MALRD1: variants seen among roughly 807,000 people sequenced by gnomAD.
MALRD1 encodes the protein MAM and LDL-receptor class A domain-containing protein 1.
In MALRD1, 247 loss-of-function variants were observed where a neutral mutation model predicts 242.1. That is an observed-to-expected ratio of 1.02 (90% CI 0.92 to 1.13). The LOEUF (loss-of-function observed/expected upper bound fraction) is 1.13. Among genes scored for constraint, MALRD1 ranks in the 50% most tolerant of loss-of-function variants. The pLI is 0.00. For synonymous variants in MALRD1, 995 were observed against 866.6 expected, an observed-to-expected ratio of 1.15 and a Z score of -2.60; for missense variants, 2,989 against 2,533.1, an observed-to-expected ratio of 1.18 and a Z score of -3.86.
At chr10:19,272,534 A>C (rs1488481455) in intron 19 of MALRD1, among the ~76,000 whole-genome samples, 1 of 152,182 alleles carries the variant, frequency 6.6e-6, no homozygotes, top group African/African-American at 2.4e-5. Flanking sequence ...TTTTTATTAT[A>C]TTTTAAGTTC....
chr10:19,269,352 C>G (rs911631115), intron 19 of MALRD1, among the ~76,000 whole-genome samples: 2 of 152,250 alleles, frequency 1.3e-5, no homozygotes, highest in Admixed American at 6.5e-5. Flanking sequence ...CGCGCTCTCT[C>G]GCTCTCTTGC....
chr10:19,465,356 C>A (rs114594550), intron 29 of MALRD1, among the ~76,000 whole-genome samples: 241 of 152,076 alleles, frequency 1.6e-3, no homozygotes, highest in African/African-American at 5.6e-3. Context: ...TTGTCATAAA[C>A]GGTTTTTTAT....
chr10:19,596,501 C>G (rs1039933539), intron 34 of MALRD1, among the ~76,000 whole-genome samples: 12 of 151,978 alleles, frequency 7.9e-5, no homozygotes, highest in Non-Finnish European at 8.8e-5. Context: ...AGGCCGAGAT[C>G]GGAGGATCCC....
At chr10:19,223,657 C>T (rs1192646968) in intron 18 of MALRD1, among the ~76,000 whole-genome samples, 3 of 152,120 alleles carry the variant, frequency 2.0e-5, no homozygotes, top group African/African-American at 4.8e-5. Flanking sequence ...ATCAACCCGT[C>T]ATCCACATTA....
chr10:19,294,380 T>A (rs888177789), intron 21 of MALRD1, among the ~76,000 whole-genome samples: 1 of 152,180 alleles, frequency 6.6e-6, no homozygotes, highest in Non-Finnish European at 1.5e-5. Context: ...GAAATATGAA[T>A]CATTTTTATG....
intron 19 of MALRD1, among the ~76,000 whole-genome samples, chr10:19,258,768 G>A (rs927764592): frequency 6.6e-6 from 1 of 151,958 alleles, no homozygotes; most frequent in East Asian, 1.9e-4. Flanking sequence ...TCCCTCTCTC[G>A]AAGGCTAGTA....
At chr10:19,533,609 G>A (rs1309753950) in intron 32 of MALRD1, among the ~76,000 whole-genome samples, 3 of 152,126 alleles carry the variant, frequency 2.0e-5, no homozygotes, top group Admixed American at 1.3e-4. Context: ...CAAGTATGGC[G>A]GAATGCAAAG....
intron 32 of MALRD1, among the ~76,000 whole-genome samples, chr10:19,543,474 G>C (rs1265840169): frequency 7.7e-6 from 1 of 130,052 alleles, no homozygotes; most frequent in Non-Finnish European, 1.6e-5. Context: ...GGGTCTCACT[G>C]TGTTTCCTAG....
chr10:19,434,299 A>T (rs2130958141), intron 28 of MALRD1, among the ~76,000 whole-genome samples: 1 of 152,322 alleles, frequency 6.6e-6, no homozygotes, highest in Non-Finnish European at 1.5e-5. Flanking sequence ...TCTAACCTTC[A>T]TAATTATTCT....
Position 19,171,457 on chromosome 10 carries a change from T to TATACACACAC in MALRD1, c.1831-3750_1831-3749insTACACACACA, listed in dbSNP as rs1166665866. 1.2e-3 allele frequency among the ~76,000 whole-genome samples: 90 copies of TATACACACAC among 74,546 alleles called. 5 individuals are homozygous for TATACACACAC. The highest frequency in any genetic ancestry group is 3.4e-3 in the African/African-American group (81 of 23,924). 48.9% of individuals were successfully genotyped at this position (74,546 alleles called of 152,430 possible). On this transcript the variant is annotated intron_variant, in intron 13 of 39. Transcript: ENST00000454679. ...ATATATATATATATATATATATATA[T>TATACACACAC]ACACACATGTATATACACACACACA...
rs112968434 is a variant in MALRD1, at chr10:19,404,503, C to G, written c.4845+14894C>G. Among the ~76,000 whole-genome samples, 259 of 152,120 alleles carry G rather than the reference C, an allele frequency of 1.7e-3. 1 individual carries two copies. The highest frequency in any genetic ancestry group is 2.9e-3 in the Non-Finnish European group (200 of 67,916). The stretch of plus-strand genomic sequence containing the variant: ...CTTCCACTTATTTTCCTGTAAACTT[C>G]CAAGCCACAAATATATGTGTTTTTT... On this transcript the variant is annotated intron_variant, in intron 28 of 39. Transcript: ENST00000454679.
chr10:19,413,049 A>AT lies in MALRD1; in HGVS notation c.4845+23441dup, dbSNP rs1325630771. On this transcript the variant is annotated intron_variant, in intron 28 of 39. Coordinates refer to ENST00000454679, the MANE Select transcript of MALRD1 (RefSeq NM_001142308.3). ...AAGAGATGGAAATCTTAGAAAAAAA[A>AT]TAATAGTTAACATCAATTGTGGAAT... 2.6e-5 allele frequency among the ~76,000 whole-genome samples: 4 copies of AT among 152,288 alleles called. No individual in the cohort carries two copies. The East Asian group carries it at 7.7e-4, about 29-fold the overall frequency.
At chr10:19,635,096 T>C (rs1401475860) in intron 36 of MALRD1, among the ~76,000 whole-genome samples, 1 of 152,182 alleles carries the variant, frequency 6.6e-6, no homozygotes, top group African/African-American at 2.4e-5. Flanking sequence ...CCTAAGGTGA[T>C]GGCAGCACAG....
At chr10:19,103,246 A>G (rs1836332960) in intron 4 of MALRD1, among the ~76,000 whole-genome samples, 1 of 152,116 alleles carries the variant, frequency 6.6e-6, no homozygotes, top group African/African-American at 2.4e-5. Context: ...TGAGGATGAC[A>G]TCTAAGGCAA....
At chr10:19,475,767 C>A (rs1159569309) in intron 29 of MALRD1, among the ~76,000 whole-genome samples, 8 of 152,174 alleles carry the variant, frequency 5.3e-5, no homozygotes, top group Admixed American at 3.3e-4. Flanking sequence ...TAACTGTGTT[C>A]TGCAGTGACC....
rs559023905 is a variant in MALRD1, at chr10:19,050,753, T to C, written c.199+1616T>C. On this transcript the variant is annotated intron_variant, in intron 1 of 39. Coordinates refer to ENST00000454679, the MANE Select transcript of MALRD1 (RefSeq NM_001142308.3). ...TGTCTGGAAGAGCCCTTACTGTTCC[T>C]TGATGAGCAGCAAAGAGGAACGACT... is the stretch of plus-strand genomic sequence containing the variant. Among the ~76,000 whole-genome samples, 4 of 152,322 alleles carry C rather than the reference T, an allele frequency of 2.6e-5. No individual in the cohort carries two copies. The East Asian group carries it at 5.8e-4, about 22-fold the overall frequency.
In MALRD1 at chr10:19,679,139, C is replaced by T. The variant is rs1842259250; in HGVS notation, c.6138-13143C>T. Among the ~76,000 whole-genome samples the T allele has an allele frequency of 5.9e-5, 9 of 152,156 alleles. 1 individual carries two copies. The South Asian group carries it at 1.7e-3, about 28-fold the overall frequency. ...TTTCTTTTTTGTTGTTGTATCTCTA[C>T]CAGGTTTTGGTATCAGGATGATGCT... On this transcript the variant is annotated intron_variant, in intron 36 of 39. Transcript: ENST00000454679.
intron 31 of MALRD1, among the ~76,000 whole-genome samples, chr10:19,506,858 G>A (rs1401085674): frequency 6.6e-6 from 1 of 152,100 alleles, no homozygotes; most frequent in South Asian, 2.1e-4. Context: ...TGGACCATGT[G>A]TATTAGGCCA....
intron 11 of MALRD1, among the ~76,000 whole-genome samples, chr10:19,148,780 A>ATATATATATATATATATATAT: frequency 1.4e-5 from 1 of 72,124 alleles, no homozygotes; most frequent in African/African-American, 5.1e-5. Flanking sequence ...AATTAAAAAA[A>ATATATATATATATATATATAT]AAAAAAAAAT....
Sources: allele counts gnomAD v4.1 joint callset (sites outside exome capture counted in the v4.1 genomes callset), GRCh38; gene constraint gnomAD v4.1.1; transcripts MANE v1.5; gene names NCBI Gene and HGNC (gene_info 2026-07-23, HGNC 2026-07-21).